PSPC1: variants seen among roughly 807,000 people sequenced by gnomAD.
The protein encoded by PSPC1 is paraspeckle component 1, also known as paraspeckle protein 1.
A neutral mutation model predicts 51.6 loss-of-function variants in PSPC1; 14 were observed. That is an observed-to-expected ratio of 0.27 (90% CI 0.18 to 0.42). The LOEUF is 0.42. Among genes scored for constraint, PSPC1 ranks in the 10% least tolerant of loss-of-function variants. The pLI, the probability that PSPC1 is intolerant of heterozygous loss-of-function variation, is 1.00. For synonymous variants in PSPC1, 193 were observed against 231.9 expected, an observed-to-expected ratio of 0.83 and a Z score of 1.53; for missense variants, 406 against 701.1, an observed-to-expected ratio of 0.58 and a Z score of 4.75.
At chr13:19,705,031 T>C (rs1433552101) in intron 8 of PSPC1, among the ~76,000 whole-genome samples, 1 of 151,850 alleles carries the variant, frequency 6.6e-6, no homozygotes, top group Non-Finnish European at 1.5e-5. Flanking sequence ...ATATAAGGAG[T>C]CCACACAGGA....
At chr13:19,731,293 T>C (rs1884081858) in intron 5 of PSPC1, among the ~76,000 whole-genome samples, 1 of 152,228 alleles carries the variant, frequency 6.6e-6, no homozygotes, top group South Asian at 2.1e-4. Context: ...AGACTCACAT[T>C]ATATTGGCAT....
intron 6 of PSPC1, among the ~76,000 whole-genome samples, chr13:19,727,414 A>G (rs1778198472): frequency 6.6e-6 from 1 of 152,168 alleles, no homozygotes; most frequent in African/African-American, 2.4e-5. Flanking sequence ...ATAAAAAAAA[A>G]AAGAAACTTC....
chr13:19,694,363 G>T (rs936076480), intron 6 of PSPC1, among the ~76,000 whole-genome samples: 4 of 151,754 alleles, frequency 2.6e-5, no homozygotes, highest in Admixed American at 2.0e-4. Flanking sequence ...AACCACATGT[G>T]AAATATTAAA....
At position 19,782,497 on chromosome 13, in the gene PSPC1, T is replaced by C. The variant is rs780006823; in HGVS notation, c.261A>G (p.Gly87=). 1.2e-6 allele frequency: 2 copies of C among 1,613,194 alleles called. No individual in the cohort carries two copies. The highest frequency in any genetic ancestry group is 2.2e-5 in the East Asian group (1 of 44,784). The part of the protein sequence containing the change: ...TYTQRCRLFV[G]NLPTDITEED... The stretch of plus-strand genomic sequence containing the variant: ...CCTCCGTGATGTCGGTGGGCAGATT[T>C]CCCACGAAGAGGCGGCAGCGCTGCG... Residue 87 remains glycine (G), a synonymous_variant, in exon 1 of 9, where the codon GGA becomes GGG. Transcript: ENST00000338910. The surrounding 1 kb of genome is among the most constrained non-coding windows in gnomAD (Gnocchi z 4.5).
At chr13:19,681,222 G>GAATAA (rs1451789875) in intron 6 of PSPC1, among the ~76,000 whole-genome samples, 1 of 151,764 alleles carries the variant, frequency 6.6e-6, no homozygotes, top group Non-Finnish European at 1.5e-5. Flanking sequence ...CTCTAAAAAA[G>GAATAA]AATAAAATAA....
intron 4 of PSPC1, among the ~76,000 whole-genome samples, chr13:19,746,030 G>A (rs201341638): frequency 2.8e-5 from 4 of 143,786 alleles, no homozygotes; most frequent in Admixed American, 7.0e-5. Context: ...TTTTTGAGAC[G>A]GAGTCTCGCT....
chr13:19,774,318 T>C (rs1317296560), intron 1 of PSPC1, among the ~76,000 whole-genome samples: 1 of 152,206 alleles, frequency 6.6e-6, no homozygotes, highest in Non-Finnish European at 1.5e-5. Flanking sequence ...ACATACTGTC[T>C]TATGAAAATT....
At chr13:19,768,924 C>A (rs1169219718) in intron 2 of PSPC1, among the ~76,000 whole-genome samples, 1 of 148,960 alleles carries the variant, frequency 6.7e-6, no homozygotes, top group Non-Finnish European at 1.5e-5. Flanking sequence ...CACTTGAGGC[C>A]AGGAGTTCCT....
exon 8 of PSPC1, chr13:19,674,821 G>GACTT (rs570983100): frequency 5.9e-5 from 9 of 152,272 alleles, no homozygotes; most frequent in Admixed American, 3.9e-4. Flanking sequence ...TGAAGTTTTA[G>GACTT]ACTTATCCCA....
At chr13:19,736,937 T>C (rs957809756) in intron 5 of PSPC1, 1 of 152,162 alleles carries the variant, frequency 6.6e-6, no homozygotes, top group Non-Finnish European at 1.5e-5. Flanking sequence ...GGTCTTCCTA[T>C]GTTTTTTGTT....
intron 4 of PSPC1, among the ~76,000 whole-genome samples, chr13:19,750,461 T>TAC (rs1886426701): frequency 6.7e-6 from 1 of 148,564 alleles, no homozygotes; most frequent in Non-Finnish European, 1.5e-5. Context: ...CAAACAAAAA[T>TAC]ATATATATAT....
intron 3 of PSPC1, among the ~76,000 whole-genome samples, chr13:19,757,716 C>A (rs536862237): frequency 6.6e-6 from 1 of 152,308 alleles, no homozygotes; most frequent in East Asian, 1.9e-4. Flanking sequence ...GGCCTTTGAG[C>A]CCCTATGCTC....
At chr13:19,743,075 C>T (rs1004387641) in intron 4 of PSPC1, among the ~76,000 whole-genome samples, 2 of 152,104 alleles carry the variant, frequency 1.3e-5, no homozygotes, top group African/African-American at 2.4e-5. Flanking sequence ...ATGAAAAGTA[C>T]ATTTGTATTG....
At chr13:19,704,726 T>C (rs1880431891) in intron 8 of PSPC1, among the ~76,000 whole-genome samples, 1 of 152,166 alleles carries the variant, frequency 6.6e-6, no homozygotes, top group East Asian at 1.9e-4. Context: ...GCTACTAATA[T>C]ATTTAAATAT....
At chr13:19,681,618 C>G (rs571928715) in intron 6 of PSPC1, among the ~76,000 whole-genome samples, 1 of 152,244 alleles carries the variant, frequency 6.6e-6, no homozygotes, top group South Asian at 2.1e-4. Flanking sequence ...GCCACAGGGA[C>G]CAGCATTCTT....
chr13:19,745,135 TGGC>T (rs1885833263), intron 4 of PSPC1, among the ~76,000 whole-genome samples: 1 of 152,036 alleles, frequency 6.6e-6, no homozygotes, highest in Non-Finnish European at 1.5e-5. Flanking sequence ...CTGGCCAACA[TGGC>T]AAAATACTGT....
At chr13:19,697,204 A>G (rs61953090) in intron 6 of PSPC1, among the ~76,000 whole-genome samples, 2,715 of 152,288 alleles carry the variant, frequency 0.018, 38 homozygotes, top group Non-Finnish European at 0.028. Flanking sequence ...ATAGGAACTT[A>G]CTAGAAATGA....
intron 6 of PSPC1, among the ~76,000 whole-genome samples, chr13:19,721,689 A>G (rs1219385754): frequency 2.0e-5 from 3 of 152,220 alleles, no homozygotes; most frequent in African/African-American, 7.2e-5. Flanking sequence ...TATCCTCCAC[A>G]GTGCTCAGCA....
chr13:19,679,787 TG>T (rs1469610116), intron 6 of PSPC1, among the ~76,000 whole-genome samples: 1 of 152,188 alleles, frequency 6.6e-6, no homozygotes, highest in Non-Finnish European at 1.5e-5. Flanking sequence ...TTTATGCCTT[TG>T]GTACAGTAAA....
Sources: gnomAD v4.1 joint callset for allele counts (sites outside exome capture counted in the v4.1 genomes callset) on GRCh38, gnomAD v4.1.1 for gene constraint, Gnocchi (gnomAD v3.1) non-coding constraint, MANE v1.5 for transcripts, NCBI Gene and HGNC (gene_info 2026-07-23, HGNC 2026-07-21) for gene names.